Variants in VSTM4 observed in about 807,000 individuals in gnomAD.
VSTM4 encodes V-set and transmembrane domain-containing protein 4.
A neutral mutation model predicts 36.4 loss-of-function variants in VSTM4; 20 were observed. The observed-to-expected ratio is 0.55, with a 90% CI of 0.39 to 0.80. The LOEUF is 0.80. Among genes scored for constraint, VSTM4 ranks in the 30% least tolerant of loss-of-function variants. The pLI is 0.00. For synonymous variants in VSTM4, 182 were observed against 173.9 expected (o/e 1.05, Z -0.37); for missense variants, 392 against 404.5 (o/e 0.97, Z 0.26).
intron 7 of VSTM4, among the ~76,000 whole-genome samples, chr10:49,036,735 C>T (rs543534580): frequency 5.3e-5 from 8 of 152,130 alleles, no homozygotes; most frequent in Non-Finnish European, 7.4e-5. Context: ...AAACTAGGGC[C>T]GGGGGAAGAA....
At chr10:49,027,899 A>G (rs1216136099) in intron 7 of VSTM4, among the ~76,000 whole-genome samples, 6 of 152,174 alleles carry the variant, frequency 3.9e-5, no homozygotes, top group Admixed American at 3.9e-4. Flanking sequence ...AAACGTTCAA[A>G]TATAGGTTTT....
At chr10:49,039,282 G>A (rs1843481960) in intron 7 of VSTM4, among the ~76,000 whole-genome samples, 1 of 152,096 alleles carries the variant, frequency 6.6e-6, no homozygotes, top group South Asian at 2.1e-4. Flanking sequence ...GGTCCTGGGT[G>A]GGGTGGGCCT....
chr10:49,042,749 A>G (rs1288233021), intron 7 of VSTM4, among the ~76,000 whole-genome samples: 1 of 152,356 alleles, frequency 6.6e-6, no homozygotes, highest in East Asian at 1.9e-4. Context: ...CATGAAGAAT[A>G]CAGCAGGAAT....
chr10:49,064,823 C>G, intron 4 of VSTM4, 87 bp from the exon 5 acceptor site: 3 of 1,454,516 alleles, frequency 2.1e-6, no homozygotes, highest in Non-Finnish European at 2.9e-6. Flanking sequence ...TGCCGGGAGC[C>G]AGGTGTTGTT....
chr10:49,039,877 T>C (rs893397239), intron 7 of VSTM4, among the ~76,000 whole-genome samples: 1 of 152,236 alleles, frequency 6.6e-6, no homozygotes, highest in Admixed American at 6.5e-5. Flanking sequence ...AATCAATAAC[T>C]GACAGAAAGC....
intron 4 of VSTM4, 125 bp from the exon 5 acceptor site, chr10:49,064,861 C>G: frequency 1.1e-6 from 1 of 937,528 alleles, no homozygotes; most frequent in Non-Finnish European, 1.6e-6. Flanking sequence ...CCACCCAACT[C>G]TCAAGACTTG....
At chr10:49,115,365 C>T in intron 1 of VSTM4, 66 bp downstream of exon 1, 2 of 968,582 alleles carry the variant, frequency 2.1e-6, no homozygotes, top group Non-Finnish European at 2.5e-6. Flanking sequence ...CCCGGAGCCC[C>T]GGCCTCCCCG....
At position 49,041,838 on chromosome 10, in the gene VSTM4, G is replaced by A. The variant is rs559710223; in HGVS notation, c.837+5145C>T. Among the ~76,000 whole-genome samples, 21 of 152,250 alleles carry A rather than the reference G, an allele frequency of 1.4e-4. No homozygotes were observed. The South Asian group carries it at 3.5e-3, about 26-fold the overall frequency. On this transcript the variant is annotated intron_variant, in intron 7 of 7. Coordinates refer to ENST00000332853, the MANE Select transcript of VSTM4 (RefSeq NM_001031746.5). Reference sequence around the variant, plus strand: ...AAATCTTATTGTGAGAATTAAATACGATGACATGCCAAAAGCACTTTTTTG... The same window carrying A: ...AAATCTTATTGTGAGAATTAAATACAATGACATGCCAAAAGCACTTTTTTG...
At chr10:49,074,174 G>A (rs1026303382) in intron 4 of VSTM4, among the ~76,000 whole-genome samples, 7 of 152,232 alleles carry the variant, frequency 4.6e-5, no homozygotes, top group Non-Finnish European at 7.3e-5. Context: ...ATTCAAAGAA[G>A]AGGTGTAATA....
At chr10:49,103,634 C>T in intron 2 of VSTM4, 1 of 1,516,586 alleles carries the variant, frequency 6.6e-7, no homozygotes, top group South Asian at 1.4e-5. Context: ...TCGCAAGTCA[C>T]CCTCCATGTG....
intron 2 of VSTM4, among the ~76,000 whole-genome samples, chr10:49,105,436 G>C (rs1266680795): frequency 1.3e-5 from 2 of 151,910 alleles, no homozygotes; most frequent in South Asian, 4.2e-4. Flanking sequence ...CAGACAGAGA[G>C]AGAGGAAAGA....
At chr10:49,059,840 G>A (rs1391045539) in intron 5 of VSTM4, among the ~76,000 whole-genome samples, 1 of 152,098 alleles carries the variant, frequency 6.6e-6, no homozygotes, top group Non-Finnish European at 1.5e-5. Context: ...CACCCCCAAA[G>A]GTTCCATCTT....
At chr10:49,077,129 C>T in intron 4 of VSTM4, 90 bp downstream of exon 4, 1 of 1,325,510 alleles carries the variant, frequency 7.5e-7, no homozygotes, top group Non-Finnish European at 1.1e-6. Flanking sequence ...ATGCACTTTT[C>T]CACCAAGGTG....
intron 7 of VSTM4, among the ~76,000 whole-genome samples, chr10:49,022,209 T>C (rs1337280667): frequency 6.6e-6 from 1 of 152,216 alleles, no homozygotes; most frequent in Non-Finnish European, 1.5e-5. Flanking sequence ...CACACAGACA[T>C]TTTCATTTAA....
chr10:49,054,930 T>G (rs1015370747), intron 5 of VSTM4, among the ~76,000 whole-genome samples: 4 of 127,554 alleles, frequency 3.1e-5, no homozygotes, highest in Middle Eastern at 3.4e-3. Flanking sequence ...GGGTGCTTCC[T>G]CTGGCCCAGG....
chr10:49,038,312 G>A (rs1024826313), intron 7 of VSTM4, among the ~76,000 whole-genome samples: 5 of 152,152 alleles, frequency 3.3e-5, no homozygotes, highest in Non-Finnish European at 7.3e-5. Context: ...ACACAGCAAC[G>A]TGGATGAATA....
intron 2 of VSTM4, among the ~76,000 whole-genome samples, chr10:49,104,532 T>C (rs1337204431): frequency 6.6e-6 from 1 of 152,004 alleles, no homozygotes; most frequent in Non-Finnish European, 1.5e-5. Flanking sequence ...TTGCTTGGGG[T>C]TGCTTTTCCT....
At chr10:49,068,504 C>T (rs906111215) in intron 4 of VSTM4, among the ~76,000 whole-genome samples, 1 of 152,088 alleles carries the variant, frequency 6.6e-6, no homozygotes, top group Non-Finnish European at 1.5e-5. Flanking sequence ...TCTGAGATCT[C>T]GGCAGCATGT....
rs541653585 is a variant in VSTM4 at position 49,068,550 on chromosome 10, C to T, written c.635-3814G>A. ...GATGGTCCCATTAAGAGGGACTGCC[C>T]ACAGGATCAAAAGTGATTCTGGACA... On this transcript the variant is annotated intron_variant, in intron 4 of 7. Coordinates refer to ENST00000332853, the MANE Select transcript of VSTM4 (RefSeq NM_001031746.5). Among the ~76,000 whole-genome samples the T allele has an allele frequency of 7.2e-5, 11 of 152,240 alleles. No homozygotes were observed. The South Asian group carries it at 2.3e-3, about 32-fold the overall frequency.
Sources: allele counts gnomAD v4.1 joint callset (sites outside exome capture counted in the v4.1 genomes callset), GRCh38; gene constraint gnomAD v4.1.1; transcripts MANE v1.5; gene names NCBI Gene and HGNC (gene_info 2026-07-23, HGNC 2026-07-21).